Variants in NAPEPLD observed in about 807,000 individuals in gnomAD.
NAPEPLD encodes the protein N-acyl phosphatidylethanolamine phospholipase D.
Under a neutral mutation model 38.1 loss-of-function variants are expected in NAPEPLD, and 23 were observed. That is an observed-to-expected ratio of 0.60 (90% CI 0.43 to 0.86). NAPEPLD has a LOEUF of 0.86. NAPEPLD is among the 40% of genes least tolerant of loss of function. NAPEPLD has a pLI of 0.00. For synonymous variants in NAPEPLD, 147 were observed against 162.0 expected, an observed-to-expected ratio of 0.91 and a Z score of 0.71; for missense variants, 411 against 476.8, an observed-to-expected ratio of 0.86 and a Z score of 1.28.
At chr7:103,148,431 T>G (rs916399356) in intron 1 of NAPEPLD, among the ~76,000 whole-genome samples, 5 of 135,790 alleles carry the variant, frequency 3.7e-5, no homozygotes, top group African/African-American at 1.5e-4. Flanking sequence ...TGGAAGAGTA[T>G]CTACCATATC....
Position 103,148,861 on chromosome 7 carries a change from G to A in NAPEPLD, c.-67C>T. 1.0e-6 allele frequency: 1 copy of A among 985,304 alleles called. No homozygotes were observed. The highest frequency in any genetic ancestry group is 1.2e-6 in the Non-Finnish European group (1 of 829,912). 61.0% of individuals were successfully genotyped at this position (985,304 alleles called of 1,614,324 possible). On this transcript the variant is annotated 5_prime_UTR_variant, in exon 1 of 5. Coordinates refer to ENST00000465647, the MANE Select transcript of NAPEPLD (RefSeq NM_001122838.3). ...ACCTGGTAATTTGCAGGGAAGATAGGATCTCAAATCCCAGACAGCTACTCT... is the reference window on the plus strand; with the variant it reads ...ACCTGGTAATTTGCAGGGAAGATAGAATCTCAAATCCCAGACAGCTACTCT...
intron 4 of NAPEPLD, among the ~76,000 whole-genome samples, chr7:103,110,254 G>A (rs1804243166): frequency 6.6e-6 from 1 of 152,086 alleles, no homozygotes; most frequent in African/African-American, 2.4e-5. Context: ...AAACCTGGCA[G>A]AGATTCCAAA....
At chr7:103,109,234 C>G (rs960636488) in intron 4 of NAPEPLD, among the ~76,000 whole-genome samples, 1 of 152,138 alleles carries the variant, frequency 6.6e-6, no homozygotes, top group African/African-American at 2.4e-5. Flanking sequence ...CTGGACCAAG[C>G]AGACCTAACA....
rs1806274150 is a variant in NAPEPLD, at chr7:103,119,815, C to T, written c.703G>A (p.Glu235Lys). 1.2e-6 allele frequency: 2 copies of T among 1,614,032 alleles called. No individual in the cohort carries two copies. The highest frequency in any genetic ancestry group is 1.3e-5 in the African/African-American group (1 of 74,912). The change falls in exon 3 of 5, where the codon GAG becomes AAG. Residue 235 changes from glutamate (E) to lysine (K), a missense_variant. Transcript: ENST00000465647. ...TTATCATGTCCGGGGACACAATTCT[C>T]CTCCCACCAGTCCAACTCAATCACA... is the stretch of plus-strand genomic sequence containing the variant. ...ENVIELDWWEENCVPGHDKVT... is the reference protein window; with the variant it reads ...ENVIELDWWEKNCVPGHDKVT...
At chr7:103,145,917 A>G (rs1000253182) in intron 1 of NAPEPLD, among the ~76,000 whole-genome samples, 1 of 151,658 alleles carries the variant, frequency 6.6e-6, no homozygotes, top group Non-Finnish European at 1.5e-5. Context: ...GAGTCCAGAA[A>G]CTCTTTAAGC....
Position 103,103,374 on chromosome 7 carries a change from T to G in NAPEPLD, c.*55A>C. 1 of 1,502,370 alleles carries G rather than the reference T, an allele frequency of 6.7e-7. No individual in the cohort carries two copies. The highest frequency in any genetic ancestry group is 8.9e-7 in the Non-Finnish European group (1 of 1,121,616). 93.1% of individuals were successfully genotyped at this position (1,502,370 alleles called of 1,614,324 possible). On this transcript the variant is annotated 3_prime_UTR_variant, in exon 5 of 5. Coordinates refer to ENST00000465647, the MANE Select transcript of NAPEPLD (RefSeq NM_001122838.3). ...TCATGAATTTCTAAGTCTTTTCATT[T>G]GTTTTTAAACTTAGATGATGCCTTT...
intron 1 of NAPEPLD, among the ~76,000 whole-genome samples, chr7:103,130,068 C>T (rs1808611911): frequency 6.6e-6 from 1 of 152,152 alleles, no homozygotes; most frequent in Admixed American, 6.5e-5. Context: ...CATTTGCTTT[C>T]TGTTTCATTA....
intron 1 of NAPEPLD, among the ~76,000 whole-genome samples, chr7:103,137,926 T>C (rs905239155): frequency 3.3e-5 from 5 of 151,220 alleles, no homozygotes; most frequent in African/African-American, 1.2e-4. Flanking sequence ...AGTTGATGCC[T>C]GTGGAACTTG....
rs1318410063 is a variant in NAPEPLD at position 103,115,077 on chromosome 7, A to G, written c.1039T>C (p.Phe347Leu). 1.2e-6 allele frequency: 2 copies of G among 1,613,364 alleles called. No homozygotes were observed. Among genetic ancestry groups the G allele is most frequent in the South Asian group, 2.2e-5 (2 of 90,852 alleles). The change falls in exon 4 of 5, where the codon TTT (phenylalanine) becomes CTT (leucine). Residue 347 changes from phenylalanine (F) to leucine (L), a missense_variant. By Grantham distance (22) the Phe-to-Leu change is conservative. Transcript: ENST00000465647. ...AAACTTACCTCATTTGCTAAGGCAA[A>G]AGTTCCCCAGTGAATTGCCATAGAT... ...KKSMAIHWGT[F>L]ALANEHYLEP...
chr7:103,148,928 C>G lies in NAPEPLD; in HGVS notation c.-134G>C. 1 of 985,426 alleles carries G rather than the reference C, an allele frequency of 1.0e-6. No individual in the cohort carries two copies. Among genetic ancestry groups the G allele is most frequent in the Non-Finnish European group, 1.2e-6 (1 of 829,938 alleles). The allele number at this position is 985,426 out of a possible 1,614,324, so 61.0% of individuals were successfully genotyped here. The stretch of plus-strand genomic sequence containing the variant: ...ATAATGCTGTGGCTCTTCACCGAGG[C>G]AGCTTCAGAGATGCAGGCTCCGCAA... On this transcript the variant is annotated 5_prime_UTR_variant, in exon 1 of 5. Coordinates refer to ENST00000465647, the MANE Select transcript of NAPEPLD (RefSeq NM_001122838.3).
At chr7:103,124,567 G>A (rs928094193) in intron 2 of NAPEPLD, among the ~76,000 whole-genome samples, 1 of 152,122 alleles carries the variant, frequency 6.6e-6, no homozygotes, top group Non-Finnish European at 1.5e-5. Flanking sequence ...CATTTTCATG[G>A]CTAGATCAAG....
chr7:103,130,671 T>G (rs886838769), intron 1 of NAPEPLD, among the ~76,000 whole-genome samples: 2 of 152,156 alleles, frequency 1.3e-5, no homozygotes, highest in Non-Finnish European at 2.9e-5. Flanking sequence ...CACGGCTCAT[T>G]GCAGCCTCAA....
At position 103,119,775 on chromosome 7, in the gene NAPEPLD, A is replaced by C; in HGVS notation, c.743T>G (p.Phe248Cys). The C allele has an allele frequency of 6.2e-7, 1 of 1,614,150 alleles. No individual in the cohort carries two copies. Among genetic ancestry groups the C allele is most frequent in the Non-Finnish European group, 8.5e-7 (1 of 1,180,024 alleles). Residue 248 changes from phenylalanine to cysteine, a missense_variant, in exon 3 of 5, where the codon TTT becomes TGT. Phe to Cys is a radical substitution (Grantham distance 205). Coordinates refer to ENST00000465647, the MANE Select transcript of NAPEPLD (RefSeq NM_001122838.3). ...TTTACACCAGTGCTGGGAAGGTGTA[A>C]AGACAAAAGTGACCTTATCATGTCC... Reference protein sequence around the residue: ...VPGHDKVTFVFTPSQHWCKRT... With the variant: ...VPGHDKVTFVCTPSQHWCKRT...
At chr7:103,132,975 T>C (rs1209993312) in intron 1 of NAPEPLD, among the ~76,000 whole-genome samples, 2 of 152,120 alleles carry the variant, frequency 1.3e-5, no homozygotes, top group Non-Finnish European at 2.9e-5. Context: ...CAAATAGCCA[T>C]CCTCTCCTAA....
intron 1 of NAPEPLD, chr7:103,148,032 T>A: frequency 5.1e-6 from 5 of 984,770 alleles, no homozygotes; most frequent in Non-Finnish European, 6.0e-6. Flanking sequence ...ATATAGGTAA[T>A]CTTCTTTTTA....
chr7:103,123,692 A>G (rs1257403246), intron 2 of NAPEPLD, among the ~76,000 whole-genome samples: 1 of 152,224 alleles, frequency 6.6e-6, no homozygotes, highest in Non-Finnish European at 1.5e-5. Context: ...TCCATTCTAC[A>G]GCTAAGAATA....
chr7:103,115,378 CA>C (rs1402248862), intron 3 of NAPEPLD: 2 of 429,234 alleles, frequency 4.7e-6, no homozygotes, highest in African/African-American at 2.0e-5. Flanking sequence ...ATTGTAAAAA[CA>C]AAACAAATTC....
chr7:103,141,279 G>T, intron 1 of NAPEPLD: 4 of 174,824 alleles, frequency 2.3e-5, no homozygotes, highest in South Asian at 9.2e-5. Flanking sequence ...AGCAGATAAA[G>T]GCTTATTTTA....
At chr7:103,142,052 A>C in intron 1 of NAPEPLD, 1 of 591,444 alleles carries the variant, frequency 1.7e-6, no homozygotes, top group South Asian at 2.1e-5. Context: ...ATAATTTTTA[A>C]AAGTTCTGTG....
Sources: gnomAD v4.1 joint callset for allele counts (sites outside exome capture counted in the v4.1 genomes callset) on GRCh38, gnomAD v4.1.1 for gene constraint, MANE v1.5 for transcripts, NCBI Gene and HGNC (gene_info 2026-07-23, HGNC 2026-07-21) for gene names.